The following RANBP2 variants were observed in gnomAD, a reference collection of about 807,000 sequenced individuals.
RANBP2 encodes E3 SUMO-protein ligase RanBP2.
Under a neutral mutation model 303.6 loss-of-function variants are expected in RANBP2, and 57 were observed. The ratio of observed to expected loss-of-function variants is 0.19; its 90% confidence interval spans 0.15 to 0.23. The LOEUF is 0.23. Among genes scored for constraint, RANBP2 ranks in the 10% least tolerant of loss-of-function variants. The probability of loss-of-function intolerance (pLI) is 1.00; values close to 1 mark genes in which losing one functional copy is unlikely to be tolerated. For synonymous variants in RANBP2, 1,167 were observed against 1,301.5 expected, an observed-to-expected ratio of 0.90 and a Z score of 2.23; for missense variants, 3,138 against 3,780.8, an observed-to-expected ratio of 0.83 and a Z score of 4.46.
chr2:108,772,356 GA>G (rs1677566594), intron 21 of RANBP2, 132 bp from the exon 22 acceptor site: 1 of 659,232 alleles, frequency 1.5e-6, no homozygotes. Context: ...AGCAGAAAGA[GA>G]GGTATTAAAG....
chr2:108,738,785 C>T (rs757989334), intron 6 of RANBP2, among the ~76,000 whole-genome samples: 6 of 151,678 alleles, frequency 4.0e-5, no homozygotes, highest in South Asian at 2.1e-4. Flanking sequence ...CCTACCACCA[C>T]GCCTGGCTAA....
At chr2:109,117,530 C>T in the RANBP2 span, among the ~76,000 whole-genome samples, 2 of 152,196 alleles carry the variant, frequency 1.3e-5, no homozygotes, top group African/African-American at 4.8e-5. Context: ...TTCCAGGTGC[C>T]GTTTGTCACC....
chr2:109,282,588 C>T, the RANBP2 span, among the ~76,000 whole-genome samples: 1,606 of 152,284 alleles, frequency 0.011, 5 homozygotes, highest in Non-Finnish European at 0.017. Context: ...GCCAGGAGAA[C>T]GGCGCACAGA....
the RANBP2 span, among the ~76,000 whole-genome samples, chr2:109,147,745 A>G: frequency 6.6e-5 from 10 of 152,180 alleles, no homozygotes; most frequent in Non-Finnish European, 1.0e-4. Flanking sequence ...TCTCTTCTAA[A>G]TATTTACGAA....
At chr2:108,745,145 G>C (rs1358553008) in intron 7 of RANBP2, among the ~76,000 whole-genome samples, 1 of 148,804 alleles carries the variant, frequency 6.7e-6, no homozygotes, top group Non-Finnish European at 1.5e-5. Context: ...GCTACTTCAA[G>C]TAATTTAGCA....
At chr2:109,479,435 T>C in the RANBP2 span, among the ~76,000 whole-genome samples, 1 of 152,332 alleles carries the variant, frequency 6.6e-6, no homozygotes, top group Admixed American at 6.5e-5. Flanking sequence ...TTGAGTTCAG[T>C]AGGAACATTT....
the RANBP2 span, among the ~76,000 whole-genome samples, chr2:109,509,075 G>A: frequency 6.6e-6 from 1 of 152,284 alleles, no homozygotes; most frequent in East Asian, 1.9e-4. Flanking sequence ...CATCCGTCAG[G>A]GTCACACAGG....
At position 108,764,238 on chromosome 2, in the gene RANBP2, A is replaced by T. The variant is rs1416354106; in HGVS notation, c.3699A>T (p.Leu1233=). Residue 1233 remains leucine, a synonymous_variant, in exon 20 of 29, where the codon CTA becomes CTT. Transcript: ENST00000283195. ...AAACATCTGGTAAAATTCGCCTTCT[A>T]ATGAGACGAGAGCAAGTATTGAAAA... The part of the protein sequence containing the change: ...RHKTSGKIRL[L]MRREQVLKIC... 5.0e-6 allele frequency: 8 copies of T among 1,613,980 alleles called. No individual in the cohort carries two copies. The highest frequency in any genetic ancestry group is 6.8e-6 in the Non-Finnish European group (8 of 1,180,006).
the RANBP2 span, among the ~76,000 whole-genome samples, chr2:109,650,525 C>T: frequency 6.6e-6 from 1 of 152,136 alleles, no homozygotes; most frequent in Non-Finnish European, 1.5e-5. Flanking sequence ...CAATCTGTCA[C>T]CAGTGCCTCC....
chr2:108,744,267 G>T (rs145305231), intron 7 of RANBP2, among the ~76,000 whole-genome samples: 7,400 of 152,230 alleles, frequency 0.049, 606 homozygotes, highest in African/African-American at 0.16. Context: ...AGCCACGCAT[G>T]GTGGCGGGTG....
the RANBP2 span, among the ~76,000 whole-genome samples, chr2:109,627,043 C>CTGTA: frequency 6.6e-6 from 1 of 152,150 alleles, no homozygotes; most frequent in Admixed American, 6.5e-5. Context: ...TGGCACACAC[C>CTGTA]TGTAATCCAA....
At chr2:109,071,742 G>A in the RANBP2 span, among the ~76,000 whole-genome samples, 1 of 152,128 alleles carries the variant, frequency 6.6e-6, no homozygotes, top group Admixed American at 6.5e-5. Flanking sequence ...GTTTCGGGGT[G>A]AGGGCAGGAC....
chr2:108,719,534 C>T lies in RANBP2; in HGVS notation c.-73C>T, dbSNP rs1186384079. Reference sequence around the variant, plus strand: ...TGCGTCACTGGTTTGCAGGCGCTTTCCTCTTGGAAGTGGCGACTGCTGCGG... The same window carrying T: ...TGCGTCACTGGTTTGCAGGCGCTTTTCTCTTGGAAGTGGCGACTGCTGCGG... On this transcript the variant is annotated 5_prime_UTR_variant, in exon 1 of 29. Transcript: ENST00000283195. 1.9e-6 allele frequency: 3 copies of T among 1,555,550 alleles called. No homozygotes were observed. The highest frequency in any genetic ancestry group is 2.4e-5 in the South Asian group (2 of 84,586).
chr2:109,400,295 G>A, the RANBP2 span, among the ~76,000 whole-genome samples: 3 of 151,692 alleles, frequency 2.0e-5, no homozygotes, highest in African/African-American at 7.3e-5. Flanking sequence ...CCACGCACAT[G>A]TGCACTCATA....
chr2:108,817,848 G>A, the RANBP2 span, among the ~76,000 whole-genome samples: 1 of 152,086 alleles, frequency 6.6e-6, no homozygotes, highest in South Asian at 2.1e-4. Flanking sequence ...TTAAGTTTGT[G>A]GTATTTGTTA....
the RANBP2 span, among the ~76,000 whole-genome samples, chr2:109,320,041 T>C: frequency 6.6e-6 from 1 of 152,178 alleles, no homozygotes; most frequent in African/African-American, 2.4e-5. Flanking sequence ...TTCTAGGTCT[T>C]CACGGAGCTA....
the RANBP2 span, among the ~76,000 whole-genome samples, chr2:108,871,383 A>G: frequency 6.6e-6 from 1 of 150,488 alleles, no homozygotes; most frequent in Admixed American, 6.6e-5. Flanking sequence ...AAAAAAAAAA[A>G]AAAAAAAAAA....
the RANBP2 span, among the ~76,000 whole-genome samples, chr2:109,036,191 T>C: frequency 6.6e-6 from 1 of 152,084 alleles, no homozygotes; most frequent in Non-Finnish European, 1.5e-5. Context: ...ACCTGAATAG[T>C]TCCATAGCTG....
At chr2:108,893,197 A>ATTTT in the RANBP2 span, among the ~76,000 whole-genome samples, 3 of 108,614 alleles carry the variant, frequency 2.8e-5, no homozygotes, top group South Asian at 7.9e-4. Context: ...TTTCCTTTAT[A>ATTTT]TTTTCCTTTT....
Sources: gnomAD v4.1 joint callset for allele counts (sites outside exome capture counted in the v4.1 genomes callset) on GRCh38, gnomAD v4.1.1 for gene constraint, MANE v1.5 for transcripts, NCBI Gene and HGNC (gene_info 2026-07-23, HGNC 2026-07-21) for gene names.